Variants in THSD7B observed in about 807,000 individuals in gnomAD.
THSD7B encodes thrombospondin type 1 domain containing 7B.
A neutral mutation model predicts 213.6 loss-of-function variants in THSD7B; 138 were observed. The ratio of observed to expected loss-of-function variants is 0.65; its 90% CI spans 0.56 to 0.74. The LOEUF is 0.74. THSD7B is among the 30% of genes least tolerant of loss of function. THSD7B has a pLI of 0.00. For synonymous variants in THSD7B, 742 were observed against 687.0 expected, an observed-to-expected ratio of 1.08 and a Z score of -1.25; for missense variants, 1,931 against 1,991.5, an observed-to-expected ratio of 0.97 and a Z score of 0.58.
chr2:136,929,646 T>G (rs2105044782), intron 2 of THSD7B, among the ~76,000 whole-genome samples: 1 of 152,306 alleles, frequency 6.6e-6, no homozygotes, highest in South Asian at 2.1e-4. Flanking sequence ...CAGCTTGATG[T>G]AAGGCTAAAC....
chr2:137,001,818 ACCCAAGAGCTGTTTTTC>A (rs1686005013), intron 2 of THSD7B, among the ~76,000 whole-genome samples: 1 of 151,938 alleles, frequency 6.6e-6, no homozygotes, highest in Non-Finnish European at 1.5e-5. Flanking sequence ...CTATTTATCA[ACCCAAGAGCTGTTTTTC>A]TACTTTTCTG....
chr2:137,655,686 G>A (rs750171840), intron 22 of THSD7B, 26 bp downstream of exon 22: 86 of 1,599,948 alleles, frequency 5.4e-5, no homozygotes, highest in Non-Finnish European at 6.4e-5. Flanking sequence ...GATTGGGAGC[G>A]CCTCCCATGG....
intron 1 of THSD7B, among the ~76,000 whole-genome samples, chr2:136,866,734 C>T (rs1011841437): frequency 6.6e-6 from 1 of 152,202 alleles, no homozygotes; most frequent in African/African-American, 2.4e-5. Context: ...TTCCAACATT[C>T]TACCTGTTGG....
At chr2:136,944,717 T>C (rs1684900270) in intron 2 of THSD7B, among the ~76,000 whole-genome samples, 2 of 151,230 alleles carry the variant, frequency 1.3e-5, no homozygotes, top group Non-Finnish European at 3.0e-5. Flanking sequence ...CCCTGCTTTT[T>C]TTTTTTTTTT....
At chr2:137,060,342 C>A (rs962506663) in intron 3 of THSD7B, among the ~76,000 whole-genome samples, 4 of 151,398 alleles carry the variant, frequency 2.6e-5, no homozygotes, top group Non-Finnish European at 5.9e-5. Context: ...GTGTTGTTCA[C>A]AGAGAAAATA....
chr2:137,472,968 AT>A (rs1249392303), intron 15 of THSD7B, among the ~76,000 whole-genome samples: 1 of 152,094 alleles, frequency 6.6e-6, no homozygotes, highest in Non-Finnish European at 1.5e-5. Context: ...CACCACAGAT[AT>A]TATTTTAAAA....
chr2:137,524,619 G>A (rs1025488834), intron 15 of THSD7B, among the ~76,000 whole-genome samples: 7 of 152,146 alleles, frequency 4.6e-5, no homozygotes, highest in African/African-American at 9.7e-5. Flanking sequence ...AGGAACTTAG[G>A]TTTTGCTTTG....
At chr2:136,910,345 G>A (rs763721756) in intron 2 of THSD7B, among the ~76,000 whole-genome samples, 20 of 152,172 alleles carry the variant, frequency 1.3e-4, no homozygotes, top group Non-Finnish European at 2.5e-4. Flanking sequence ...ATACTGGGTA[G>A]TGGAGCTTTT....
chr2:137,192,259 T>A (rs922540694), intron 7 of THSD7B, among the ~76,000 whole-genome samples: 1 of 152,148 alleles, frequency 6.6e-6, no homozygotes, highest in African/African-American at 2.4e-5. Context: ...CATATATATG[T>A]GTTCTAGGAG....
intron 2 of THSD7B, among the ~76,000 whole-genome samples, chr2:136,966,355 C>A (rs576361552): frequency 6.6e-6 from 1 of 151,998 alleles, no homozygotes; most frequent in African/African-American, 2.4e-5. Context: ...ATAGCTAGGA[C>A]TACAGGTGCA....
intron 20 of THSD7B, among the ~76,000 whole-genome samples, chr2:137,632,175 G>C (rs1682754056): frequency 6.6e-6 from 1 of 151,946 alleles, no homozygotes; most frequent in South Asian, 2.1e-4. Context: ...CATGGCCCTG[G>C]GTTGCATGCT....
intron 4 of THSD7B, among the ~76,000 whole-genome samples, chr2:137,098,611 G>C (rs916983434): frequency 6.6e-6 from 1 of 152,160 alleles, no homozygotes; most frequent in Non-Finnish European, 1.5e-5. Flanking sequence ...GAAAATCAAA[G>C]AAGTAAATAA....
intron 1 of THSD7B, among the ~76,000 whole-genome samples, chr2:136,778,671 C>T (rs979679847): frequency 2.6e-5 from 4 of 152,164 alleles, no homozygotes; most frequent in African/African-American, 9.7e-5. Context: ...TCTGTTTACA[C>T]ACAGTAGGTT....
intron 2 of THSD7B, among the ~76,000 whole-genome samples, chr2:136,948,591 T>G (rs1288820947): frequency 6.6e-6 from 1 of 152,204 alleles, no homozygotes; most frequent in Non-Finnish European, 1.5e-5. Flanking sequence ...CTAACGGTAT[T>G]TGTATGATAT....
intron 25 of THSD7B, among the ~76,000 whole-genome samples, chr2:137,660,333 A>G (rs1683319045): frequency 6.6e-6 from 1 of 152,202 alleles, no homozygotes; most frequent in Non-Finnish European, 1.5e-5. Context: ...AATGGCACTC[A>G]TGGTGTGCAG....
Position 137,275,986 on chromosome 2 carries a change from G to A in THSD7B, c.2460G>A (p.Thr820=), listed in dbSNP as rs369821530. ...CAGAGTCTGTCTGGCAGGGAATAAC[G>A]GGCAGCAGTGAAGCCTGTGGAAAGG... ...LVPESVWQGI[T]GSSEACGKGL... Residue 820 remains threonine (T), a synonymous_variant, in exon 12 of 28, where the codon ACG becomes ACA. Coordinates refer to ENST00000409968, the MANE Select transcript of THSD7B (RefSeq NM_001316349.2). 2.4e-4 allele frequency: 380 copies of A among 1,612,032 alleles called. No individual in the cohort carries two copies. The highest frequency in any genetic ancestry group is 3.0e-4 in the Non-Finnish European group (352 of 1,178,872).
intron 5 of THSD7B, among the ~76,000 whole-genome samples, chr2:137,118,714 C>G (rs1688488394): frequency 6.6e-6 from 1 of 152,010 alleles, no homozygotes; most frequent in Admixed American, 6.6e-5. Context: ...AGTACATGAC[C>G]ACACAAGGGC....
At chr2:136,949,446 A>G (rs1684997329) in intron 2 of THSD7B, among the ~76,000 whole-genome samples, 1 of 152,210 alleles carries the variant, frequency 6.6e-6, no homozygotes, top group Non-Finnish European at 1.5e-5. Flanking sequence ...ACTTGTTTGA[A>G]GCCACTGAAA....
At chr2:137,426,606 A>G (rs1246785086) in intron 14 of THSD7B, among the ~76,000 whole-genome samples, 1 of 152,176 alleles carries the variant, frequency 6.6e-6, no homozygotes, top group East Asian at 1.9e-4. Flanking sequence ...TATTGGATAA[A>G]CTAGATATCA....
Sources: allele counts gnomAD v4.1 joint callset (sites outside exome capture counted in the v4.1 genomes callset), GRCh38; gene constraint gnomAD v4.1.1; transcripts MANE v1.5; gene names NCBI Gene and HGNC (gene_info 2026-07-23, HGNC 2026-07-21).